ATP8A2: variants seen among roughly 807,000 people sequenced by gnomAD.
The protein encoded by ATP8A2 is ATPase phospholipid transporting 8A2, also known as phospholipid-transporting ATPase IB.
Under a neutral mutation model 165.6 loss-of-function variants are expected in ATP8A2, and 100 were observed. The observed-to-expected ratio is 0.60, with a 90% confidence interval of 0.51 to 0.71. ATP8A2 has a LOEUF of 0.71. ATP8A2 is among the 30% of genes least tolerant of loss of function. The pLI is 0.00. For synonymous variants in ATP8A2, 543 were observed against 548.8 expected (o/e 0.99, Z 0.15); for missense variants, 1,227 against 1,479.5 (o/e 0.83, Z 2.80).
In ATP8A2 at chr13:26,000,584, C is replaced by T. The variant is rs140065528; in HGVS notation, c.3378-11947C>T. On this transcript the variant is annotated intron_variant, in intron 35 of 36. Transcript: ENST00000381655. Reference sequence around the variant, plus strand: ...GGACTTGTATGAGCTTGGGTTTCACCATCATTACTGGGGAGGCACTAAGAC... The same window carrying T: ...GGACTTGTATGAGCTTGGGTTTCACTATCATTACTGGGGAGGCACTAAGAC... Among the ~76,000 whole-genome samples the T allele has an allele frequency of 1.2e-3, 188 of 151,400 alleles. 1 individual carries two copies. The highest frequency in any genetic ancestry group is 4.2e-3 in the African/African-American group (172 of 41,268).
chr13:25,880,601 A>G (rs1233955626), intron 33 of ATP8A2, among the ~76,000 whole-genome samples: 1 of 152,184 alleles, frequency 6.6e-6, no homozygotes, highest in African/African-American at 2.4e-5. Flanking sequence ...TCTAGAACAC[A>G]GGTCAGTTCA....
chr13:25,534,357 C>G (rs1369620477), intron 6 of ATP8A2: 2 of 392,282 alleles, frequency 5.1e-6, no homozygotes, highest in African/African-American at 4.2e-5. Flanking sequence ...GAGAGATGCT[C>G]CCAATGCTGA....
At position 26,024,494 on chromosome 13, in the gene ATP8A2, A is replaced by G. The variant is rs1957129644; in HGVS notation, c.*4509A>G. ...CCTGAGTGAGGAGAAAAGGGCATTG[A>G]GCCAGCATAAATCTGAATGGGCAGA... On this transcript the variant is annotated 3_prime_UTR_variant, in exon 37 of 37. Transcript: ENST00000381655. 1 of 152,242 alleles carries G rather than the reference A, an allele frequency of 6.6e-6. No homozygotes were observed. The highest frequency in any genetic ancestry group is 2.4e-5 in the African/African-American group (1 of 41,448). The allele number at this position is 152,242 out of a possible 1,614,324, so 9.4% of individuals were successfully genotyped here. A position where few individuals can be genotyped will look rare whatever the true frequency, so the allele number is the denominator to read the frequency against.
At chr13:26,001,117 T>C (rs1308302211) in intron 35 of ATP8A2, among the ~76,000 whole-genome samples, 2 of 152,246 alleles carry the variant, frequency 1.3e-5, no homozygotes, top group East Asian at 3.8e-4. Context: ...TTTGGACATT[T>C]CATATAATCA....
At chr13:25,917,549 C>G (rs1954304384) in intron 33 of ATP8A2, among the ~76,000 whole-genome samples, 1 of 152,214 alleles carries the variant, frequency 6.6e-6, no homozygotes, top group Admixed American at 6.5e-5. Flanking sequence ...AGATGTTAAG[C>G]TGCAAAGCTA....
chr13:26,001,089 C>A (rs1347723171), intron 35 of ATP8A2, among the ~76,000 whole-genome samples: 1 of 152,210 alleles, frequency 6.6e-6, no homozygotes. Flanking sequence ...TGTTTTCAGT[C>A]TTTACATATT....
intron 2 of ATP8A2, among the ~76,000 whole-genome samples, chr13:25,512,503 CG>C (rs2037267489): frequency 6.6e-6 from 1 of 150,462 alleles, no homozygotes; most frequent in Non-Finnish European, 1.5e-5. Flanking sequence ...GCTGGCTGGG[CG>C]GGGGGCTGAC....
chr13:25,975,243 T>C (rs1235291010), intron 35 of ATP8A2, among the ~76,000 whole-genome samples: 1 of 152,192 alleles, frequency 6.6e-6, no homozygotes, highest in Non-Finnish European at 1.5e-5. Context: ...GCTGTGCTGA[T>C]GGCAGCCTGA....
chr13:25,837,841 A>G (rs1593427571), intron 29 of ATP8A2, among the ~76,000 whole-genome samples: 2 of 152,334 alleles, frequency 1.3e-5, no homozygotes, highest in Admixed American at 1.3e-4. Context: ...CCAAAAAAAA[A>G]TAAAAAAAAG....
intron 24 of ATP8A2, among the ~76,000 whole-genome samples, chr13:25,643,582 G>A (rs76512983): frequency 0.035 from 5,272 of 152,024 alleles, 158 homozygotes; most frequent in East Asian, 0.13. Context: ...TCAATTGACC[G>A]TATATGTGAG....
At chr13:25,480,997 A>C (rs769803108) in intron 2 of ATP8A2, among the ~76,000 whole-genome samples, 1 of 152,154 alleles carries the variant, frequency 6.6e-6, no homozygotes, top group Non-Finnish European at 1.5e-5. Context: ...CCACCAAAAA[A>C]ATATGAAAAC....
intron 1 of ATP8A2, among the ~76,000 whole-genome samples, chr13:25,385,979 C>G (rs1451402062): frequency 1.3e-5 from 2 of 151,658 alleles, no homozygotes; most frequent in East Asian, 1.9e-4. Flanking sequence ...GTGGTTCGAC[C>G]TTAGCGGTAC....
At chr13:25,888,073 C>CCCCG (rs1953221985) in intron 33 of ATP8A2, among the ~76,000 whole-genome samples, 1 of 132,868 alleles carries the variant, frequency 7.5e-6, no homozygotes, top group Non-Finnish European at 1.6e-5. Context: ...CCCAGACCCC[C>CCCCG]CCCCCGCCCC....
chr13:25,509,857 A>G (rs1467683128), intron 2 of ATP8A2, among the ~76,000 whole-genome samples: 3 of 152,166 alleles, frequency 2.0e-5, no homozygotes, highest in African/African-American at 7.2e-5. Flanking sequence ...CAAGAACCAA[A>G]TGCAATAAGG....
intron 33 of ATP8A2, among the ~76,000 whole-genome samples, chr13:25,896,287 T>C (rs1953544911): frequency 6.6e-6 from 1 of 152,250 alleles, no homozygotes; most frequent in Non-Finnish European, 1.5e-5. Flanking sequence ...CATTTCGTTA[T>C]GTACCCAGTA....
chr13:25,600,352 A>T (rs1055828628), intron 24 of ATP8A2, among the ~76,000 whole-genome samples: 2 of 152,142 alleles, frequency 1.3e-5, no homozygotes, highest in African/African-American at 4.8e-5. Flanking sequence ...GCCACCTGTG[A>T]GTGAGGAGTG....
chr13:25,831,434 C>A (rs528070759), intron 28 of ATP8A2, among the ~76,000 whole-genome samples: 1 of 152,200 alleles, frequency 6.6e-6, no homozygotes, highest in Admixed American at 6.5e-5. Flanking sequence ...AGGATGGTCT[C>A]AATCTCCTGA....
At chr13:25,910,261 G>C (rs1372452011) in intron 33 of ATP8A2, among the ~76,000 whole-genome samples, 4 of 152,188 alleles carry the variant, frequency 2.6e-5, no homozygotes, top group Non-Finnish European at 5.9e-5. Context: ...ATACTTGAAT[G>C]GGTATAGGCC....
At chr13:25,726,861 G>T (rs766977261) in intron 25 of ATP8A2, among the ~76,000 whole-genome samples, 8 of 152,108 alleles carry the variant, frequency 5.3e-5, no homozygotes, top group African/African-American at 1.9e-4. Flanking sequence ...ATTTTTGAGG[G>T]TCTGGAGGTA....
Sources: gnomAD v4.1 joint callset for allele counts (sites outside exome capture counted in the v4.1 genomes callset) on GRCh38, gnomAD v4.1.1 for gene constraint, MANE v1.5 for transcripts, NCBI Gene and HGNC (gene_info 2026-07-23, HGNC 2026-07-21) for gene names.